Variants in STK33 observed in about 807,000 individuals in gnomAD.
STK33 encodes the protein serine/threonine kinase 33, also known as serine/threonine-protein kinase 33.
STK33 carries 52 observed loss-of-function variants against 58.0 expected under a neutral mutation model. That is an observed-to-expected ratio of 0.90 (90% CI 0.72 to 1.13). The LOEUF is 1.13. Among genes scored for constraint, STK33 ranks in the 50% most tolerant of loss-of-function variants. The pLI is 0.00. For missense variants in STK33, 630 were observed against 604.2 expected (o/e 1.04, Z -0.45); for synonymous variants, 215 against 200.1 (o/e 1.07, Z -0.63).
At chr11:8,365,922 C>T in the STK33 span, among the ~76,000 whole-genome samples, 12 of 152,300 alleles carry the variant, frequency 7.9e-5, no homozygotes, top group Middle Eastern at 0.01. Flanking sequence ...TCAGCCTTTC[C>T]GCCTGTCTGT....
At chr11:8,397,242 C>G (rs894701226) in intron 15 of STK33, among the ~76,000 whole-genome samples, 2 of 152,170 alleles carry the variant, frequency 1.3e-5, no homozygotes, top group Non-Finnish European at 1.5e-5. Context: ...CTCACACGGT[C>G]GGGTACTCCT....
chr11:8,429,471 T>C (rs77883702), intron 14 of STK33, among the ~76,000 whole-genome samples: 13,502 of 152,192 alleles, frequency 0.089, 836 homozygotes, highest in East Asian at 0.33. Context: ...TTGATTGCTC[T>C]TACTCTCTTA....
the STK33 span, among the ~76,000 whole-genome samples, chr11:8,362,212 C>T: frequency 2.0e-5 from 3 of 152,182 alleles, no homozygotes; most frequent in Admixed American, 6.5e-5. Flanking sequence ...AGTCAAGCTC[C>T]GTCCATCAAG....
chr11:8,518,859 T>C (rs762625868), intron 1 of STK33, among the ~76,000 whole-genome samples: 6 of 152,118 alleles, frequency 3.9e-5, no homozygotes, highest in Non-Finnish European at 5.9e-5. Flanking sequence ...TAGAGACCTA[T>C]GAAGAGACTT....
chr11:8,369,627 G>A, the STK33 span, among the ~76,000 whole-genome samples: 1 of 152,224 alleles, frequency 6.6e-6, no homozygotes, highest in Admixed American at 6.5e-5. Flanking sequence ...GTGGGAGGGT[G>A]CAGCTGGCCT....
At chr11:8,585,992 G>C (rs942369630) in intron 1 of STK33, among the ~76,000 whole-genome samples, 1 of 152,074 alleles carries the variant, frequency 6.6e-6, no homozygotes, top group African/African-American at 2.4e-5. Context: ...GGTGGAGTTT[G>C]CAGTGAACCA....
chr11:8,507,837 T>C (rs1028348257), intron 1 of STK33, among the ~76,000 whole-genome samples: 14 of 152,206 alleles, frequency 9.2e-5, no homozygotes, highest in Admixed American at 2.6e-4. Flanking sequence ...CAAAAGCTTT[T>C]GACCTGATCT....
At chr11:8,561,482 A>C (rs1175963707) in intron 1 of STK33, among the ~76,000 whole-genome samples, 3 of 152,120 alleles carry the variant, frequency 2.0e-5, no homozygotes, top group African/African-American at 7.2e-5. Flanking sequence ...TTGAAGCACA[A>C]GTAACTTTAC....
At position 8,416,937 on chromosome 11, in the gene STK33, T is replaced by A. The variant is rs142435386; in HGVS notation, c.1147-3245A>T. On this transcript the variant is annotated intron_variant, in intron 14 of 15. Transcript: ENST00000687296. ...ACTTACTATACCACCTACTTCTTGC[T>A]TGCTAGCAGCTGAAGGATAAATTGT... is the stretch of plus-strand genomic sequence containing the variant. Among the ~76,000 whole-genome samples the A allele has an allele frequency of 3.4e-3, 514 of 152,314 alleles. 5 individuals carry two copies. Among genetic ancestry groups the A allele is most frequent in the Non-Finnish European group, 3.9e-3 (265 of 68,012 alleles).
intron 1 of STK33, among the ~76,000 whole-genome samples, chr11:8,502,590 G>C (rs953626645): frequency 6.6e-6 from 1 of 152,054 alleles, no homozygotes; most frequent in South Asian, 2.1e-4. Context: ...TCATGATAAA[G>C]ATGCCAAAAG....
chr11:8,510,178 C>G (rs1057360411), intron 1 of STK33, among the ~76,000 whole-genome samples: 1 of 152,184 alleles, frequency 6.6e-6, no homozygotes, highest in East Asian at 1.9e-4. Context: ...TATTTTTTGG[C>G]TTTTTAATTA....
intron 12 of STK33, among the ~76,000 whole-genome samples, chr11:8,440,294 G>A (rs1944576369): frequency 6.6e-6 from 1 of 152,018 alleles, no homozygotes; most frequent in African/African-American, 2.4e-5. Context: ...TGCTCTGCCT[G>A]TATGGGTAGA....
intron 6 of STK33, chr11:8,466,900 A>C (rs1396296793): frequency 6.6e-6 from 1 of 152,256 alleles, no homozygotes; most frequent in Non-Finnish European, 1.5e-5. Context: ...CGCAGACTCA[A>C]CACCACATTA....
chr11:8,386,815 G>A, the STK33 span, among the ~76,000 whole-genome samples: 2 of 152,308 alleles, frequency 1.3e-5, no homozygotes, highest in Non-Finnish European at 2.9e-5. Flanking sequence ...CTGCTCAGCG[G>A]CACAGCTGCT....
chr11:8,389,305 G>A (rs1848586671), downstream of STK33, among the ~76,000 whole-genome samples: 1 of 152,244 alleles, frequency 6.6e-6, no homozygotes, highest in African/African-American at 2.4e-5. Flanking sequence ...GCACTCGGGA[G>A]TCAGCGTCTG....
chr11:8,344,070 G>C, the STK33 span, among the ~76,000 whole-genome samples: 1 of 152,096 alleles, frequency 6.6e-6, no homozygotes. Flanking sequence ...AAATAATAGG[G>C]CTGGACGCAG....
intron 6 of STK33, among the ~76,000 whole-genome samples, chr11:8,468,794 T>C (rs1370505651): frequency 6.6e-6 from 1 of 152,214 alleles, no homozygotes. Context: ...AACTCTCAAC[T>C]GTATACAGAG....
intron 2 of STK33, among the ~76,000 whole-genome samples, 195 bp downstream of exon 2, chr11:8,480,215 T>A (rs1382447313): frequency 1.3e-5 from 2 of 152,172 alleles, no homozygotes; most frequent in African/African-American, 4.8e-5. Context: ...GGAAAGACTA[T>A]CTCAGGGACT....
intron 15 of STK33, among the ~76,000 whole-genome samples, chr11:8,413,097 T>C (rs1940550002): frequency 6.6e-6 from 1 of 152,208 alleles, no homozygotes; most frequent in Admixed American, 6.5e-5. Context: ...TGGGCCAAAT[T>C]TGGCATGCCA....
Sources: gnomAD v4.1 joint callset for allele counts (sites outside exome capture counted in the v4.1 genomes callset) on GRCh38, gnomAD v4.1.1 for gene constraint, MANE v1.5 for transcripts, NCBI Gene and HGNC (gene_info 2026-07-23, HGNC 2026-07-21) for gene names.